Variants in PDE5A observed in about 807,000 individuals in gnomAD.
The protein encoded by PDE5A is cGMP-specific 3',5'-cyclic phosphodiesterase.
In PDE5A, 67 loss-of-function variants were observed where a neutral mutation model predicts 110.2. The observed-to-expected ratio is 0.61, with a 90% CI of 0.50 to 0.75. PDE5A has a LOEUF of 0.75. Among genes scored for constraint, PDE5A ranks in the 30% least tolerant of loss-of-function variants. PDE5A has a pLI of 0.00. For missense variants in PDE5A, 862 were observed against 1,045.1 expected (o/e 0.82, Z 2.42); for synonymous variants, 328 against 351.2 (o/e 0.93, Z 0.74).
intron 2 of PDE5A, among the ~76,000 whole-genome samples, chr4:119,599,090 A>G (rs1201423869): frequency 6.6e-6 from 1 of 152,142 alleles, no homozygotes; most frequent in Non-Finnish European, 1.5e-5. Flanking sequence ...TAAGGACTAT[A>G]CCATATAGTT....
At chr4:119,578,696 A>G (rs1189635187) in intron 3 of PDE5A, among the ~76,000 whole-genome samples, 1 of 152,228 alleles carries the variant, frequency 6.6e-6, no homozygotes, top group Non-Finnish European at 1.5e-5. Context: ...TTCAAGATAG[A>G]TTAAAGACTT....
At chr4:119,504,308 T>C (rs929575781) in intron 18 of PDE5A, among the ~76,000 whole-genome samples, 7 of 152,170 alleles carry the variant, frequency 4.6e-5, no homozygotes, top group African/African-American at 1.7e-4. Context: ...TGCATAGTAT[T>C]CCATGGTGCA....
At chr4:119,534,374 C>T (rs183640864) in intron 11 of PDE5A, among the ~76,000 whole-genome samples, 1 of 152,168 alleles carries the variant, frequency 6.6e-6, no homozygotes, top group Non-Finnish European at 1.5e-5. Context: ...ATTAGATTCT[C>T]ATAGGAGCAT....
At position 119,596,618 on chromosome 4, in the gene PDE5A, A is replaced by G; in HGVS notation, c.742-6T>C. 6.6e-7 allele frequency: 1 copy of G among 1,525,938 alleles called. No individual in the cohort carries two copies. Among genetic ancestry groups the G allele is most frequent in the Non-Finnish European group, 9.0e-7 (1 of 1,114,106 alleles). The allele number at this position is 1,525,938 out of a possible 1,614,324, so 94.5% of individuals were successfully genotyped here. A position where few individuals can be genotyped will look rare whatever the true frequency, so the allele number is the denominator to read the frequency against. ...TCTGCATTGAACCGAGGATCCTAGT[A>G]TGGAAAAAGAAATTCAATTTAATGA... is the stretch of plus-strand genomic sequence containing the variant. On this transcript the variant is annotated splice_polypyrimidine_tract_variant and splice_region_variant and intron_variant, in intron 2 of 20. Transcript: ENST00000354960.
At chr4:119,508,213 G>A (rs1338026000) in intron 15 of PDE5A, among the ~76,000 whole-genome samples, 2 of 151,956 alleles carry the variant, frequency 1.3e-5, no homozygotes, top group African/African-American at 4.8e-5. Flanking sequence ...GATGGGTAAA[G>A]GGCATGAGCC....
chr4:119,587,688 T>C (rs1235910995), intron 3 of PDE5A, among the ~76,000 whole-genome samples: 1 of 152,152 alleles, frequency 6.6e-6, no homozygotes. Flanking sequence ...CTGGCCAATT[T>C]CTAAGTTTTC....
chr4:119,543,041 A>ACACACACAC (rs1726998200), intron 9 of PDE5A: 16 of 30,962 alleles, frequency 5.2e-4, no homozygotes, highest in Admixed American at 3.2e-3. Flanking sequence ...CCAGAAGTTA[A>ACACACACAC]ACATACACAC....
intron 12 of PDE5A, among the ~76,000 whole-genome samples, chr4:119,523,572 G>A (rs1375674246): frequency 2.0e-5 from 3 of 151,990 alleles, no homozygotes; most frequent in Non-Finnish European, 4.4e-5. Context: ...TAGAATAATA[G>A]TTATTCAACC....
chr4:119,546,352 T>C (rs1202306807), intron 9 of PDE5A, among the ~76,000 whole-genome samples: 1 of 152,120 alleles, frequency 6.6e-6, no homozygotes, highest in African/African-American at 2.4e-5. Context: ...CATTCAAAAG[T>C]ATCTTACTTA....
chr4:119,501,288 T>C (rs201105740), intron 19 of PDE5A, 35 bp from the exon 20 acceptor site: 8 of 1,197,456 alleles, frequency 6.7e-6, no homozygotes, highest in South Asian at 6.1e-5. Context: ...CACACAGATG[T>C]GCATTTATTT....
At chr4:119,565,558 C>CTT in intron 4 of PDE5A, 148 bp from the exon 5 acceptor site, 1 of 622,000 alleles carries the variant, frequency 1.6e-6, no homozygotes, top group Non-Finnish European at 2.9e-6. Context: ...TAAACTAAGT[C>CTT]TTAGCTAAAG....
chr4:119,561,768 T>A (rs1727753794), intron 6 of PDE5A, among the ~76,000 whole-genome samples: 1 of 152,206 alleles, frequency 6.6e-6, no homozygotes, highest in Admixed American at 6.5e-5. Flanking sequence ...TTTAGCCTAC[T>A]GAGTTCTCAT....
intron 14 of PDE5A, among the ~76,000 whole-genome samples, chr4:119,517,818 A>AC (rs1436994022): frequency 6.6e-6 from 1 of 151,970 alleles, no homozygotes; most frequent in Non-Finnish European, 1.5e-5. Flanking sequence ...GGTTGTGCTG[A>AC]CTGTGGAGAG....
At chr4:119,534,057 G>A (rs76584475) in intron 11 of PDE5A, among the ~76,000 whole-genome samples, 81 of 152,228 alleles carry the variant, frequency 5.3e-4, no homozygotes, top group African/African-American at 1.9e-3. Flanking sequence ...TCACATGAAG[G>A]CAGAAAGAAT....
intron 1 of PDE5A, among the ~76,000 whole-genome samples, chr4:119,625,298 A>G (rs1405836487): frequency 6.6e-6 from 1 of 152,142 alleles, no homozygotes; most frequent in African/African-American, 2.4e-5. Flanking sequence ...TGCCAGGCCC[A>G]ACCTATAGCT....
chr4:119,599,712 T>TACACACACACAC (rs3056797), intron 2 of PDE5A, among the ~76,000 whole-genome samples: 147 of 147,346 alleles, frequency 1.0e-3, no homozygotes, highest in Middle Eastern at 3.4e-3. Context: ...CAAGTGTGTA[T>TACACACACACAC]ACACACACAC....
Position 119,552,593 on chromosome 4 carries a change from C to G in PDE5A, c.1353G>C (p.Leu451Phe). 6.4e-7 allele frequency: 1 copy of G among 1,550,852 alleles called. No homozygotes were observed. The highest frequency in any genetic ancestry group is 8.7e-7 in the Non-Finnish European group (1 of 1,148,634). Reference protein sequence around the residue: ...GNVNQQCIRSLLCTPIKNGKK... With the variant: ...GNVNQQCIRSFLCTPIKNGKK... Reference sequence around the variant, plus strand: ...TTCCATTTTTTATAGGTGTACAAAGCAAACTTCTAATGCACTGCTGGTTTA... The same window carrying G: ...TTCCATTTTTTATAGGTGTACAAAGGAAACTTCTAATGCACTGCTGGTTTA... The change falls in exon 9 of 21, where the codon TTG becomes TTC. Residue 451 changes from leucine to phenylalanine, a missense_variant. Physicochemically the swap from Leu to Phe is conservative, Grantham distance 22. Transcript: ENST00000354960.
intron 3 of PDE5A, among the ~76,000 whole-genome samples, chr4:119,579,599 C>G (rs1185472053): frequency 6.6e-6 from 1 of 151,284 alleles, no homozygotes; most frequent in East Asian, 1.9e-4. Context: ...ACAAAAAAAC[C>G]AAACACTGCA....
intron 7 of PDE5A, among the ~76,000 whole-genome samples, chr4:119,556,503 C>T (rs1483681617): frequency 6.6e-6 from 1 of 152,200 alleles, no homozygotes; most frequent in Non-Finnish European, 1.5e-5. Flanking sequence ...CCTGAGCTGG[C>T]TACCTCTGGG....
Sources: allele counts gnomAD v4.1 joint callset (sites outside exome capture counted in the v4.1 genomes callset), GRCh38; gene constraint gnomAD v4.1.1; transcripts MANE v1.5; gene names NCBI Gene and HGNC (gene_info 2026-07-23, HGNC 2026-07-21).